Variants in CORO2B observed in about 807,000 individuals in gnomAD.
CORO2B encodes coronin-2B.
CORO2B carries 26 observed loss-of-function variants against 58.8 expected under a neutral mutation model. The observed-to-expected ratio is 0.44, with a 90% confidence interval of 0.32 to 0.61. The LOEUF (loss-of-function observed/expected upper bound fraction) is 0.61. Ranked by LOEUF, CORO2B falls within the 20% of genes least tolerant of loss-of-function variation. CORO2B has a pLI of 0.04. For missense variants in CORO2B, 460 were observed against 645.1 expected (o/e 0.71, Z 3.11); for synonymous variants, 242 against 253.8 (o/e 0.95, Z 0.44).
intron 1 of CORO2B, among the ~76,000 whole-genome samples, chr15:68,621,495 G>C (rs79806506): frequency 6.6e-6 from 1 of 152,186 alleles, no homozygotes; most frequent in Non-Finnish European, 1.5e-5. Flanking sequence ...AAGGGGACCT[G>C]CCCAGGGTTC....
At chr15:68,587,092 A>ACACT (rs1899584650) in intron 1 of CORO2B, among the ~76,000 whole-genome samples, 3 of 139,656 alleles carry the variant, frequency 2.1e-5, no homozygotes, top group African/African-American at 5.6e-5. Context: ...ACACACACAC[A>ACACT]CACAATTTTT....
chr15:68,579,168 G>A lies in CORO2B; in HGVS notation c.-95G>A. The A allele has an allele frequency of 6.1e-6, 6 of 981,320 alleles. No homozygotes were observed. The highest frequency in any genetic ancestry group is 7.2e-6 in the Non-Finnish European group (6 of 828,486). The allele number at this position is 981,320 out of a possible 1,614,324, so 60.8% of individuals were successfully genotyped here. A position where few individuals can be genotyped will look rare whatever the true frequency, so the allele number is the denominator to read the frequency against. On this transcript the variant is annotated 5_prime_UTR_variant, in exon 1 of 12. Transcript: ENST00000261861. ...GCCGGCGGGGCGCGGGGAGCGAGCC[G>A]GGAGCTGCCGGACCCCCTTCCGCCG...
At chr15:68,700,271 G>A (rs1259848525) in intron 3 of CORO2B, among the ~76,000 whole-genome samples, 2 of 152,184 alleles carry the variant, frequency 1.3e-5, no homozygotes, top group Admixed American at 6.5e-5. Context: ...TGGGGACGGC[G>A]CCAGGCCACA....
chr15:68,680,813 T>C (rs1567006837), intron 2 of CORO2B, among the ~76,000 whole-genome samples: 2 of 152,178 alleles, frequency 1.3e-5, no homozygotes, highest in African/African-American at 4.8e-5. Context: ...GTTATTGTGC[T>C]AAAAAATTGA....
rs548437773 is a variant in CORO2B at position 68,707,900 on chromosome 15, T to C, written c.334-2832T>C. ...TGCAGGGGTTGTTGAGGAAAGAGCA[T>C]TGGGGTATTCTGGGCCCCCTATACA... is the stretch of plus-strand genomic sequence containing the variant. On this transcript the variant is annotated intron_variant, in intron 3 of 11. Transcript: ENST00000261861. Among the ~76,000 whole-genome samples the C allele has an allele frequency of 1.6e-4, 25 of 152,196 alleles. No homozygotes were observed. In the East Asian group the frequency reaches 4.4e-3, roughly 27 times the overall value.
rs989842556 is a variant in CORO2B, at chr15:68,621,182, G to T, written c.16-23978G>T. ...AAGCAATGTAGCCACAGCGTCTAAT[G>T]AGCAATTGAGCATCTTGGAGGTGCC... On this transcript the variant is annotated intron_variant, in intron 1 of 11. Transcript: ENST00000261861. Among the ~76,000 whole-genome samples, 3 of 152,194 alleles carry T rather than the reference G, an allele frequency of 2.0e-5. No homozygotes were observed. In the East Asian group the frequency reaches 5.8e-4, roughly 29 times the overall value.
chr15:68,625,129 G>C (rs1401799536), intron 1 of CORO2B, among the ~76,000 whole-genome samples: 1 of 152,118 alleles, frequency 6.6e-6, no homozygotes, highest in Non-Finnish European at 1.5e-5. Flanking sequence ...TGGGCGGTCC[G>C]AGCATGCCGC....
At chr15:68,577,792 T>C (rs1899317140), upstream of CORO2B, among the ~76,000 whole-genome samples, 1 of 151,596 alleles carries the variant, frequency 6.6e-6, no homozygotes, top group East Asian at 1.9e-4. Context: ...GGTTACTCTA[T>C]TATTATTGCT....
chr15:68,557,050 T>G, the CORO2B span, among the ~76,000 whole-genome samples: 5 of 152,222 alleles, frequency 3.3e-5, no homozygotes, highest in Admixed American at 2.6e-4. Flanking sequence ...TAGAGATGGC[T>G]ATTGCTGGCA....
intron 1 of CORO2B, among the ~76,000 whole-genome samples, chr15:68,581,543 C>T (rs994638404): frequency 3.9e-5 from 6 of 152,180 alleles, no homozygotes; most frequent in Admixed American, 3.3e-4. Flanking sequence ...GACCTTGGAC[C>T]AGTCACTTCC....
chr15:68,692,324 C>T (rs929771826), intron 2 of CORO2B, among the ~76,000 whole-genome samples: 7 of 152,100 alleles, frequency 4.6e-5, no homozygotes, highest in African/African-American at 1.4e-4. Flanking sequence ...TTCAGCTGGG[C>T]GCAATGGCAC....
chr15:68,629,069 G>A (rs1900756423), intron 1 of CORO2B, among the ~76,000 whole-genome samples: 1 of 152,246 alleles, frequency 6.6e-6, no homozygotes, highest in East Asian at 1.9e-4. Flanking sequence ...AGGAAGGTGA[G>A]ACCAGCAAGG....
rs763765611 is a variant in CORO2B at position 68,725,904 on chromosome 15, A to T, written c.1373A>T (p.Gln458Leu). The change falls in exon 12 of 12, where the codon CAG (glutamine) becomes CTG (leucine). Residue 458 changes from glutamine (Q) to leucine (L), a missense_variant. Transcript: ENST00000261861. ...EIRRLKEELA[Q>L]KDIRIRQLQL... ...CGACGGTTGAAAGAGGAGCTGGCCC[A>T]GAAGGACATCCGCATTCGGCAGCTC... is the stretch of plus-strand genomic sequence containing the variant. 1 of 1,614,104 alleles carries T rather than the reference A, an allele frequency of 6.2e-7. No homozygotes were observed. The highest frequency in any genetic ancestry group is 1.1e-5 in the South Asian group (1 of 91,086).
chr15:68,566,340 C>T, the CORO2B span, among the ~76,000 whole-genome samples: 2 of 152,140 alleles, frequency 1.3e-5, no homozygotes, highest in African/African-American at 4.8e-5. Context: ...CAAATCCACA[C>T]AGCTAGAGAG....
chr15:68,648,660 A>G (rs946899172), intron 2 of CORO2B, among the ~76,000 whole-genome samples: 2 of 152,348 alleles, frequency 1.3e-5, no homozygotes, highest in African/African-American at 2.4e-5. Context: ...AAAAAAAAGA[A>G]AGAGAGAGAA....
chr15:68,618,579 C>G (rs1200526048), intron 1 of CORO2B, among the ~76,000 whole-genome samples: 2 of 152,252 alleles, frequency 1.3e-5, no homozygotes, highest in African/African-American at 2.4e-5. Flanking sequence ...ATGAGCAGTG[C>G]TCTTCCTGGG....
intron 1 of CORO2B, among the ~76,000 whole-genome samples, chr15:68,582,383 G>A (rs900671839): frequency 6.6e-6 from 1 of 152,182 alleles, no homozygotes; most frequent in African/African-American, 2.4e-5. Context: ...AGGGCCCTGA[G>A]CATGCACAGG....
At chr15:68,572,397 G>A in the CORO2B span, among the ~76,000 whole-genome samples, 45 of 152,210 alleles carry the variant, frequency 3.0e-4, no homozygotes, top group Admixed American at 5.9e-4. Flanking sequence ...CCTTGTCTTC[G>A]GTGGAAAGAT....
chr15:68,585,838 C>A (rs547580523), intron 1 of CORO2B, among the ~76,000 whole-genome samples: 1 of 152,100 alleles, frequency 6.6e-6, no homozygotes, highest in Non-Finnish European at 1.5e-5. Context: ...AGGAGGGTGT[C>A]CTATACATGG....
Sources: allele counts gnomAD v4.1 joint callset (sites outside exome capture counted in the v4.1 genomes callset), GRCh38; gene constraint gnomAD v4.1.1; transcripts MANE v1.5; gene names NCBI Gene and HGNC (gene_info 2026-07-23, HGNC 2026-07-21).